The following KCNMB2 variants were observed in gnomAD, a reference collection of about 807,000 sequenced individuals.
KCNMB2 encodes the protein potassium calcium-activated channel subfamily M regulatory beta subunit 2, also known as calcium-activated potassium channel subunit beta-2.
A neutral mutation model predicts 24.5 loss-of-function variants in KCNMB2; 9 were observed. That is an observed-to-expected ratio of 0.37 (90% CI 0.22 to 0.64). The LOEUF is 0.64. Among genes scored for constraint, KCNMB2 ranks in the 30% least tolerant of loss-of-function variants. The pLI is 0.63. For synonymous variants in KCNMB2, 109 were observed against 104.4 expected (o/e 1.04, Z -0.27); for missense variants, 226 against 284.3 (o/e 0.79, Z 1.47).
chr3:178,807,195 G>C, intron 1 of KCNMB2, 148 bp from the exon 2 acceptor site: 1 of 463,570 alleles, frequency 2.2e-6, no homozygotes, highest in South Asian at 4.6e-5. Flanking sequence ...CCAGGCTCTA[G>C]TGTTTTCTTA....
intron 2 of KCNMB2, among the ~76,000 whole-genome samples, chr3:178,813,689 T>C (rs548922714): frequency 6.6e-6 from 1 of 152,356 alleles, no homozygotes; most frequent in East Asian, 1.9e-4. Context: ...ATATTTGGGC[T>C]GCCTTTTCCA....
chr3:178,780,774 A>C (rs1292483074), intron 1 of KCNMB2, among the ~76,000 whole-genome samples: 1 of 152,266 alleles, frequency 6.6e-6, no homozygotes, highest in African/African-American at 2.4e-5. Flanking sequence ...AAAATAGGAT[A>C]GTAATAACAC....
intron 1 of KCNMB2, among the ~76,000 whole-genome samples, chr3:178,671,601 A>G (rs1269758336): frequency 6.6e-6 from 1 of 152,142 alleles, no homozygotes; most frequent in African/African-American, 2.4e-5. Context: ...TCCACAGCAC[A>G]GTTTTCTGGT....
chr3:178,605,082 C>T (rs563606009), intron 1 of KCNMB2, among the ~76,000 whole-genome samples: 2 of 152,274 alleles, frequency 1.3e-5, no homozygotes, highest in East Asian at 3.9e-4. Context: ...GGACCTGCTA[C>T]AGACTGAATG....
rs35823042 is a variant in KCNMB2, at chr3:178,691,293, G to GTT, written c.-67-116037_-67-116036dup. Among the ~76,000 whole-genome samples, 13 of 139,920 alleles carry GTT rather than the reference G, an allele frequency of 9.3e-5. No individual in the cohort carries two copies. The East Asian group carries it at 1.0e-3, about 11-fold the overall frequency. 91.8% of individuals were successfully genotyped at this position (139,920 alleles called of 152,430 possible). On this transcript the variant is annotated intron_variant, in intron 1 of 4. Transcript: ENST00000452583. ...TTTAAGTTCAGGAGTACATGTGCAG[G>GTT]TTTTTTTTTTTTTTAACATAGATAA...
chr3:178,603,457 T>G (rs374880089), intron 1 of KCNMB2, among the ~76,000 whole-genome samples: 1 of 150,250 alleles, frequency 6.7e-6, no homozygotes, highest in South Asian at 2.1e-4. Context: ...AAATGGGTCA[T>G]TTGAGAAATG....
Position 178,841,934 on chromosome 3 carries a change from G to T in KCNMB2, c.424-719G>T, listed in dbSNP as rs147767744. 2.7e-3 allele frequency among the ~76,000 whole-genome samples: 406 copies of T among 152,274 alleles called. 2 individuals are homozygous for T. The highest frequency in any genetic ancestry group is 9.3e-3 in the African/African-American group (387 of 41,556). On this transcript the variant is annotated intron_variant, in intron 4 of 4. Transcript: ENST00000452583. ...AGGTAGCATAAGTTCTCAGGTGAGTGGTGATTAAAGAACTGTTTTATTCTT... is the reference window on the plus strand; with the variant it reads ...AGGTAGCATAAGTTCTCAGGTGAGTTGTGATTAAAGAACTGTTTTATTCTT...
intron 1 of KCNMB2, among the ~76,000 whole-genome samples, chr3:178,661,595 G>T (rs1372515484): frequency 6.6e-6 from 1 of 152,064 alleles, no homozygotes; most frequent in African/African-American, 2.4e-5. Flanking sequence ...TTTTTGCAAA[G>T]CCAGGCAGTT....
At chr3:178,661,514 A>G (rs771526734) in intron 1 of KCNMB2, among the ~76,000 whole-genome samples, 19 of 151,972 alleles carry the variant, frequency 1.3e-4, no homozygotes, top group Non-Finnish European at 2.4e-4. Flanking sequence ...CGGTCACTCT[A>G]CTCTGCCACT....
chr3:178,583,723 A>G (rs1322330326), intron 1 of KCNMB2, among the ~76,000 whole-genome samples: 3 of 152,160 alleles, frequency 2.0e-5, no homozygotes, highest in African/African-American at 7.2e-5. Context: ...ATAATACCTT[A>G]CGCTCTTCAC....
rs552689773 is a variant in KCNMB2 at position 178,547,222 on chromosome 3, T to C, written c.-68+10511T>C. 1.2e-3 allele frequency among the ~76,000 whole-genome samples: 176 copies of C among 152,272 alleles called. 2 individuals are homozygous for C. Among genetic ancestry groups the C allele is most frequent in the African/African-American group, 4.1e-3 (171 of 41,540 alleles). On this transcript the variant is annotated intron_variant, in intron 1 of 4. Transcript: ENST00000452583. Reference sequence around the variant, plus strand: ...TCTCTTGCTCTTCCGCTTTCCACCATTGGCCCCTTGACCTTGAACTTCCCA... The same window carrying C: ...TCTCTTGCTCTTCCGCTTTCCACCACTGGCCCCTTGACCTTGAACTTCCCA...
At chr3:178,758,427 GAT>G (rs553780762) in intron 1 of KCNMB2, among the ~76,000 whole-genome samples, 7 of 27,696 alleles carry the variant, frequency 2.5e-4, no homozygotes, top group Admixed American at 1.0e-3. Flanking sequence ...TCCAAGAGGG[GAT>G]ATATATATAT....
intron 1 of KCNMB2, among the ~76,000 whole-genome samples, chr3:178,722,157 GTT>G (rs1480214978): frequency 4.6e-5 from 7 of 151,990 alleles, no homozygotes; most frequent in Non-Finnish European, 8.8e-5. Context: ...AAAGTTTAGA[GTT>G]TGATGTTATA....
intron 1 of KCNMB2, among the ~76,000 whole-genome samples, chr3:178,668,454 CTG>C (rs1222117159): frequency 6.6e-6 from 1 of 152,000 alleles, no homozygotes; most frequent in Non-Finnish European, 1.5e-5. Flanking sequence ...ACAATGGAGA[CTG>C]TGAAATTTTT....
intron 1 of KCNMB2, among the ~76,000 whole-genome samples, chr3:178,738,413 A>G (rs1239943967): frequency 1.3e-5 from 2 of 152,176 alleles, no homozygotes; most frequent in African/African-American, 2.4e-5. Context: ...GCTTAAAACT[A>G]TTACTAACTC....
intron 1 of KCNMB2, among the ~76,000 whole-genome samples, chr3:178,620,104 C>CA (rs1257074016): frequency 6.6e-6 from 1 of 152,128 alleles, no homozygotes; most frequent in African/African-American, 2.4e-5. Context: ...GAGGCTCCCA[C>CA]AGGGGAATGT....
chr3:178,757,205 A>C (rs1035451742), intron 1 of KCNMB2: 1 of 148,234 alleles, frequency 6.7e-6, no homozygotes, highest in Non-Finnish European at 1.5e-5. Context: ...AAACAGTTAC[A>C]ATCAAAAATT....
chr3:178,563,742 A>T (rs967532525), intron 1 of KCNMB2, among the ~76,000 whole-genome samples: 9 of 152,184 alleles, frequency 5.9e-5, no homozygotes, highest in Non-Finnish European at 1.2e-4. Flanking sequence ...AGGAAATACC[A>T]GAGCGTCCCC....
At chr3:178,593,206 G>A (rs1027392026) in intron 1 of KCNMB2, among the ~76,000 whole-genome samples, 5 of 151,920 alleles carry the variant, frequency 3.3e-5, no homozygotes, top group African/African-American at 1.2e-4. Flanking sequence ...ATTCAACCTG[G>A]ATTAACAGAA....
Sources: allele counts gnomAD v4.1 joint callset (sites outside exome capture counted in the v4.1 genomes callset), GRCh38; gene constraint gnomAD v4.1.1; transcripts MANE v1.5; gene names NCBI Gene and HGNC (gene_info 2026-07-23, HGNC 2026-07-21).